Variants in FLG2 observed in about 807,000 individuals in gnomAD.
FLG2 encodes filaggrin-2.
A neutral mutation model predicts 3.9 loss-of-function variants in FLG2; 7 were observed. The ratio of observed to expected loss-of-function variants is 1.79; its 90% CI spans 1.02 to 3.36. The LOEUF (loss-of-function observed/expected upper bound fraction) is 3.36, where lower values mean the gene tolerates loss of function less well. Among genes scored for constraint, FLG2 ranks in the 30% most tolerant of loss-of-function variants. The pLI is 0.00. For synonymous variants in FLG2, 1,031 were observed against 1,056.1 expected, an observed-to-expected ratio of 0.98 and a Z score of 0.46; for missense variants, 2,700 against 2,809.4, an observed-to-expected ratio of 0.96 and a Z score of 0.88.
Position 152,357,073 on chromosome 1 carries a change from C to T in FLG2, c.713G>A (p.Gly238Asp). ...GSNSWERKGHGGLSCGLETSG... is the reference protein window; with the variant it reads ...GSNSWERKGHDGLSCGLETSG... ...AGTCTCCAATCCACATGACAGACCACCATGACCTTTCCTTTCCCAACTGTT... is the reference window on the plus strand; with the variant it reads ...AGTCTCCAATCCACATGACAGACCATCATGACCTTTCCTTTCCCAACTGTT... The change falls in exon 3 of 3, where the codon GGT becomes GAT. Residue 238 changes from glycine (G) to aspartate (D), a missense_variant. Physicochemically the swap from Gly to Asp is moderately conservative, Grantham distance 94. Transcript: ENST00000388718. 6.2e-7 allele frequency: 1 copy of T among 1,614,200 alleles called. No homozygotes were observed. The highest frequency in any genetic ancestry group is 8.5e-7 in the Non-Finnish European group (1 of 1,180,032).
rs774144981 is a variant in FLG2 at position 152,351,890 on chromosome 1, CT to C, written c.5895del (p.Val1967SerfsTer435). ...TGTCCTGAATGTGTGTGTGAGACCC[CT>C]GAGGGCCCTTCACTGTCACTGTACT... Reference protein sequence around the residue: ...HSEYSDSEGPSGVSHTHSGHT... With the variant: ...HSEYSDSEGPXGVSHTHSGHT... On this transcript the variant is annotated frameshift_variant, in exon 3 of 3. Coordinates refer to ENST00000388718, the MANE Select transcript of FLG2 (RefSeq NM_001014342.3). LOFTEE classifies it low-confidence loss of function (END_TRUNC). 2 of 1,613,662 alleles carry C rather than the reference CT, an allele frequency of 1.2e-6. No homozygotes were observed. Among genetic ancestry groups the C allele is most frequent in the African/African-American group, 1.3e-5 (1 of 74,788 alleles).
Position 152,355,786 on chromosome 1 carries a change from C to T in FLG2, c.2000G>A (p.Gly667Asp), listed in dbSNP as rs377619883. ...QYGSGSGQSS[G>D]FGQHVSGSGQ... is the part of the protein sequence containing the mutation. Reference sequence around the variant, plus strand: ...TGAGCCAGAAACATGTTGTCCAAAGCCAGAGGACTGACCTGAGCCTGATCC... The same window carrying T: ...TGAGCCAGAAACATGTTGTCCAAAGTCAGAGGACTGACCTGAGCCTGATCC... Residue 667 changes from glycine (G) to aspartate (D), a missense_variant, in exon 3 of 3, where the codon GGC (glycine) becomes GAC (aspartate). Gly to Asp is a moderately conservative substitution (Grantham distance 94, BLOSUM62 -1). Transcript: ENST00000388718. The T allele has an allele frequency of 3.0e-5, 49 of 1,613,110 alleles. No homozygotes were observed. The highest frequency in any genetic ancestry group is 4.2e-5 in the Non-Finnish European group (49 of 1,179,880).
At position 152,351,523 on chromosome 1, in the gene FLG2, C is replaced by G. The variant is rs762578859; in HGVS notation, c.6263G>C (p.Gly2088Ala). The G allele has an allele frequency of 6.2e-7, 1 of 1,612,484 alleles. No homozygotes were observed. Among genetic ancestry groups the G allele is most frequent in the East Asian group, 2.2e-5 (1 of 44,662 alleles). Residue 2088 changes from glycine to alanine, a missense_variant, in exon 3 of 3, where the codon GGA becomes GCA. Transcript: ENST00000388718. ...CCTTGACCCTCTCTGTGTGGACTGT[C>G]CATGACCAGAGTGAGCATGTCTAGT... is the stretch of plus-strand genomic sequence containing the variant. ...DTTRHAHSGH[G>A]QSTQRGSRTA... is the part of the protein sequence containing the mutation.
rs1653891584 is a variant in FLG2 at position 152,351,068 on chromosome 1, A to G, written c.6718T>C (p.Ser2240Pro). Residue 2240 changes from serine to proline, a missense_variant, in exon 3 of 3, where the codon TCC (serine) becomes CCC (proline). Coordinates refer to ENST00000388718, the MANE Select transcript of FLG2 (RefSeq NM_001014342.3). ...GTTGTCCTGGACCCTCTCTGTGTGGATTGTCCATAACCATAGTGGGCATGT... is the reference window on the plus strand; with the variant it reads ...GTTGTCCTGGACCCTCTCTGTGTGGGTTGTCCATAACCATAGTGGGCATGT... Reference protein sequence around the residue: ...TRHAHYGYGQSTQRGSRTTGR... With the variant: ...TRHAHYGYGQPTQRGSRTTGR... 6.2e-7 allele frequency: 1 copy of G among 1,612,246 alleles called. No individual in the cohort carries two copies. Among genetic ancestry groups the G allele is most frequent in the Non-Finnish European group, 8.5e-7 (1 of 1,179,710 alleles).
At position 152,357,045 on chromosome 1, in the gene FLG2, A is replaced by G; in HGVS notation, c.741T>C (p.Ser247=). The G allele has an allele frequency of 6.8e-6, 11 of 1,614,154 alleles. No homozygotes were observed. The highest frequency in any genetic ancestry group is 9.3e-6 in the Non-Finnish European group (11 of 1,180,028). ...HGGLSCGLET[S]GHESNSTQSR... ...ACTGAGTAGAGTTTGATTCATGCCC[A>G]CTAGTCTCCAATCCACATGACAGAC... The change falls in exon 3 of 3, where the codon AGT becomes AGC. Residue 247 remains serine, a synonymous_variant. Coordinates refer to ENST00000388718, the MANE Select transcript of FLG2 (RefSeq NM_001014342.3).
Position 152,357,502 on chromosome 1 carries a change from T to C in FLG2, c.284A>G (p.Lys95Arg), listed in dbSNP as rs1450573586. The C allele has an allele frequency of 9.3e-6, 15 of 1,614,152 alleles. No homozygotes were observed. Among genetic ancestry groups the C allele is most frequent in the Non-Finnish European group, 9.3e-6 (11 of 1,180,020 alleles). The change falls in exon 3 of 3, where the codon AAA (lysine) becomes AGA (arginine). Residue 95 changes from lysine (K) to arginine (R), a missense_variant. Lys to Arg is a conservative substitution (Grantham distance 26). Coordinates refer to ENST00000388718, the MANE Select transcript of FLG2 (RefSeq NM_001014342.3). ...CCTATGCTTCTTTGACCCTGAAGCTTTGCAGTATTCTTTGCTGAGGACCTT... is the reference window on the plus strand; with the variant it reads ...CCTATGCTTCTTTGACCCTGAAGCTCTGCAGTATTCTTTGCTGAGGACCTT... ...CNKVLSKEYC[K>R]ASGSKKHRRG...
In FLG2 at chr1:152,356,520, A is replaced by G; in HGVS notation, c.1266T>C (p.Gly422=). The G allele has an allele frequency of 6.2e-7, 1 of 1,614,204 alleles. No individual in the cohort carries two copies. ...GTTCAAAGCTAGTAGACTGACTTGAACCAGACCCATATTGATCACATTTGG... is the reference window on the plus strand; with the variant it reads ...GTTCAAAGCTAGTAGACTGACTTGAGCCAGACCCATATTGATCACATTTGG... ...EFSKCDQYGS[G]SSQSTSFEQH... Residue 422 remains glycine, a synonymous_variant, in exon 3 of 3, where the codon GGT becomes GGC. Transcript: ENST00000388718.
chr1:152,352,943 C>T lies in FLG2; in HGVS notation c.4843G>A (p.Glu1615Lys). ...QHEEPEFTVH[E>K]RHGTTHGQIG... ...TGTCCATGAGTAGTTCCGTGTCTCTCATGAACTGTGAATTCTGGCTCTTCA... is the reference window on the plus strand; with the variant it reads ...TGTCCATGAGTAGTTCCGTGTCTCTTATGAACTGTGAATTCTGGCTCTTCA... Residue 1615 changes from glutamate to lysine, a missense_variant, in exon 3 of 3, where the codon GAG (glutamate) becomes AAG (lysine). Coordinates refer to ENST00000388718, the MANE Select transcript of FLG2 (RefSeq NM_001014342.3). The T allele has an allele frequency of 1.2e-6, 2 of 1,613,608 alleles. No individual in the cohort carries two copies. Among genetic ancestry groups the T allele is most frequent in the South Asian group, 1.1e-5 (1 of 91,038 alleles).
In FLG2 at chr1:152,351,193, C is replaced by T. The variant is rs868258643; in HGVS notation, c.6593G>A (p.Gly2198Glu). ...AGATCCGGCTTGGCTGTGAGTGTGT[C>T]CTGAATGTGTGGGTGAGGCCTCTGA... ...VHSEASPTHSGHTHSQAGSRH... is the reference protein window; with the variant it reads ...VHSEASPTHSEHTHSQAGSRH... The change falls in exon 3 of 3, where the codon GGA (glycine) becomes GAA (glutamate). Residue 2198 changes from glycine to glutamate, a missense_variant. Physicochemically the swap from Gly to Glu is moderately conservative, Grantham distance 98. Transcript: ENST00000388718. The T allele has an allele frequency of 1.2e-6, 2 of 1,613,522 alleles. No individual in the cohort carries two copies. The highest frequency in any genetic ancestry group is 1.7e-5 in the Admixed American group (1 of 59,936).
rs138607426 is a variant in FLG2 at position 152,351,331 on chromosome 1, C to T, written c.6455G>A (p.Gly2152Glu). 6 of 1,612,798 alleles carry T rather than the reference C, an allele frequency of 3.7e-6. No individual in the cohort carries two copies. The highest frequency in any genetic ancestry group is 5.1e-6 in the Non-Finnish European group (6 of 1,179,672). The change falls in exon 3 of 3, where the codon GGA becomes GAA. Residue 2152 changes from glycine (G) to glutamate (E), a missense_variant. Gly to Glu is a moderately conservative substitution (Grantham distance 98). Coordinates refer to ENST00000388718, the MANE Select transcript of FLG2 (RefSeq NM_001014342.3). ...AGACTGGCCATGTCTAGTGGTATCT[C>T]CTGTCTGTCCATGTATAGTTCCCTG... ...GRQGTIHGQTGDTTRHGQSGH... is the reference protein window; with the variant it reads ...GRQGTIHGQTEDTTRHGQSGH...
In FLG2 at chr1:152,350,300, T is replaced by G. The variant is rs1653858767; in HGVS notation, c.*310A>C. On this transcript the variant is annotated 3_prime_UTR_variant, in exon 3 of 3. Transcript: ENST00000388718. ...TCCTGTTTTCTGATTGAACTAGATT[T>G]TGAATGGCCATGAACTGATATGGAT... is the stretch of plus-strand genomic sequence containing the variant. 1 of 335,768 alleles carries G rather than the reference T, an allele frequency of 3.0e-6. No individual in the cohort carries two copies. The highest frequency in any genetic ancestry group is 5.9e-5 in the East Asian group (1 of 17,034). The allele number at this position is 335,768 out of a possible 1,614,324, so 20.8% of individuals were successfully genotyped here. A position where few individuals can be genotyped will look rare whatever the true frequency, so the allele number is the denominator to read the frequency against.
Position 152,353,013 on chromosome 1 carries a change from T to C in FLG2, c.4773A>G (p.Arg1591=). The C allele has an allele frequency of 6.2e-7, 1 of 1,613,356 alleles. No individual in the cohort carries two copies. Among genetic ancestry groups the C allele is most frequent in the Non-Finnish European group, 8.5e-7 (1 of 1,179,842 alleles). Residue 1591 remains arginine, a synonymous_variant, in exon 3 of 3, where the codon AGA becomes AGG. Coordinates refer to ENST00000388718, the MANE Select transcript of FLG2 (RefSeq NM_001014342.3). The part of the protein sequence containing the change: ...DSEVHSGGSH[R]PHSREHTYGQ... ...CGTAAGTGTGTTCTCGTGAGTGTGGTCTGTGTGAGCCCCCTGAGTGCACTT... is the reference window on the plus strand; with the variant it reads ...CGTAAGTGTGTTCTCGTGAGTGTGGCCTGTGTGAGCCCCCTGAGTGCACTT...
intron 1 of FLG2, among the ~76,000 whole-genome samples, chr1:152,359,700 G>A (rs1024484966): frequency 6.6e-6 from 1 of 152,138 alleles, no homozygotes; most frequent in Non-Finnish European, 1.5e-5. Flanking sequence ...ACAGACTGTG[G>A]AATGGCCTAG....
chr1:152,352,483 C>T lies in FLG2; in HGVS notation c.5303G>A (p.Gly1768Glu), dbSNP rs1324975401. The change falls in exon 3 of 3, where the codon GGA becomes GAA. Residue 1768 changes from glycine to glutamate, a missense_variant. Coordinates refer to ENST00000388718, the MANE Select transcript of FLG2 (RefSeq NM_001014342.3). The part of the protein sequence containing the change: ...ESESIVHERH[G>E]TIHGQTGDTT... ...ATCGCCTGTCTGTCCATGTATAGTT[C>T]CATGTCTCTCATGAACTATGGATTC... The T allele has an allele frequency of 1.9e-6, 3 of 1,612,190 alleles. No individual in the cohort carries two copies. The highest frequency in any genetic ancestry group is 2.5e-6 in the Non-Finnish European group (3 of 1,179,494).
Position 152,353,511 on chromosome 1 carries a change from A to C in FLG2, c.4275T>G (p.Ser1425Arg), listed in dbSNP as rs752623472. 1.9e-6 allele frequency: 3 copies of C among 1,613,286 alleles called. No homozygotes were observed. The highest frequency in any genetic ancestry group is 2.5e-6 in the Non-Finnish European group (3 of 1,179,874). ...RTTGRRGSGH[S>R]ESSDSEVHSG... ...AGTGCACTTCACTGTCACTGGACTC[A>C]CTATGGCCAGATCCCCTTCTTCCAG... The change falls in exon 3 of 3, where the codon AGT becomes AGG. Residue 1425 changes from serine to arginine, a missense_variant. Physicochemically the swap from Ser to Arg is moderately radical, Grantham distance 110. Transcript: ENST00000388718.
Position 152,353,719 on chromosome 1 carries a change from T to A in FLG2, c.4067A>T (p.His1356Leu). The A allele has an allele frequency of 4.3e-6, 7 of 1,614,190 alleles. No individual in the cohort carries two copies. Among genetic ancestry groups the A allele is most frequent in the Non-Finnish European group, 5.9e-6 (7 of 1,180,020 alleles). Residue 1356 changes from histidine to leucine, a missense_variant, in exon 3 of 3, where the codon CAC becomes CTC. Coordinates refer to ENST00000388718, the MANE Select transcript of FLG2 (RefSeq NM_001014342.3). ...GTGTGGTCTATGTGAGACCCCTGAGTGCACTTCACTGTCAGTGGCATCACT... is the reference window on the plus strand; with the variant it reads ...GTGTGGTCTATGTGAGACCCCTGAGAGCACTTCACTGTCAGTGGCATCACT... Reference protein sequence around the residue: ...SHSDATDSEVHSGVSHRPHSQ... With the variant: ...SHSDATDSEVLSGVSHRPHSQ...
rs776245446 is a variant in FLG2, at chr1:152,353,132, T to G, written c.4654A>C (p.Arg1552=). The G allele has an allele frequency of 1.2e-6, 2 of 1,613,734 alleles. No homozygotes were observed. The highest frequency in any genetic ancestry group is 2.7e-5 in the African/African-American group (2 of 74,854). The change falls in exon 3 of 3, where the codon AGA becomes CGA. Residue 1552 remains arginine, a synonymous_variant. Coordinates refer to ENST00000388718, the MANE Select transcript of FLG2 (RefSeq NM_001014342.3). Reference sequence around the variant, plus strand: ...TGTTCATGACCAGAGTAGGAATGTCTAGTGGTATCTCCTGTCTGTCCATGA... The same window carrying G: ...TGTTCATGACCAGAGTAGGAATGTCGAGTGGTATCTCCTGTCTGTCCATGA... ...ITHGQTGDTT[R]HSYSGHEQTT...
chr1:152,350,991 T>C lies in FLG2; in HGVS notation c.6795A>G (p.Ser2265=), dbSNP rs568245862. The C allele has an allele frequency of 4.3e-5, 69 of 1,613,942 alleles. No homozygotes were observed. Among genetic ancestry groups the C allele is most frequent in the Admixed American group, 1.3e-4 (8 of 60,004 alleles). The part of the protein sequence containing the change: ...HSESSDSEVH[S]WGSHTHSGHI... ...GTCCTGAATGTGTGTGTGAGCCCCA[T>C]GAGTGCACTTCACTGTCACTGGACT... Residue 2265 remains serine (S), a synonymous_variant, in exon 3 of 3, where the codon TCA becomes TCG. Coordinates refer to ENST00000388718, the MANE Select transcript of FLG2 (RefSeq NM_001014342.3).
Position 152,353,520 on chromosome 1 carries a change from A to T in FLG2, c.4266T>A (p.Ser1422=). ...RGSRTTGRRG[S]GHSESSDSEV... ...CACTGTCACTGGACTCACTATGGCCAGATCCCCTTCTTCCAGTTGTCCTGG... is the reference window on the plus strand; with the variant it reads ...CACTGTCACTGGACTCACTATGGCCTGATCCCCTTCTTCCAGTTGTCCTGG... Residue 1422 remains serine (S), a synonymous_variant, in exon 3 of 3, where the codon TCT becomes TCA. Coordinates refer to ENST00000388718, the MANE Select transcript of FLG2 (RefSeq NM_001014342.3). 1 of 1,613,886 alleles carries T rather than the reference A, an allele frequency of 6.2e-7. No homozygotes were observed. Among genetic ancestry groups the T allele is most frequent in the Non-Finnish European group, 8.5e-7 (1 of 1,179,976 alleles).
Sources: gnomAD v4.1 joint callset for allele counts (sites outside exome capture counted in the v4.1 genomes callset) on GRCh38, gnomAD v4.1.1 for gene constraint, MANE v1.5 for transcripts, NCBI Gene and HGNC (gene_info 2026-07-23, HGNC 2026-07-21) for gene names.